CUL1: variants seen among roughly 807,000 people sequenced by gnomAD.
The protein encoded by CUL1 is cullin 1.
CUL1 carries 24 observed loss-of-function variants against 118.0 expected under a neutral mutation model. The ratio of observed to expected loss-of-function variants is 0.20; its 90% confidence interval spans 0.15 to 0.29. The LOEUF is 0.29. Ranked by LOEUF, CUL1 falls within the 10% of genes least tolerant of loss-of-function variation. CUL1 has a pLI of 1.00. For synonymous variants in CUL1, 332 were observed against 340.4 expected, an observed-to-expected ratio of 0.98 and a Z score of 0.27; for missense variants, 361 against 933.8, an observed-to-expected ratio of 0.39 and a Z score of 7.99.
rs535567339 is a variant in CUL1, at chr7:148,757,062, T to G, written c.395T>G (p.Val132Gly). ...GAAGATTATCGATTTTCAAGCAAAG[T>G]GCTGAATGGAATTTGTGCCTACCTC... is the stretch of plus-strand genomic sequence containing the variant. The part of the protein sequence containing the change: ...QWEDYRFSSK[V>G]LNGICAYLNR... The change falls in exon 4 of 22, where the codon GTG (valine) becomes GGG (glycine). Residue 132 changes from valine to glycine, a missense_variant. Around this residue, in one of 7 missense-constraint regions of CUL1, gnomAD observed 169 missense variants for 429.7 expected, o/e 0.39. Coordinates refer to ENST00000325222, the MANE Select transcript of CUL1 (RefSeq NM_003592.3). 6.2e-7 allele frequency: 1 copy of G among 1,608,874 alleles called. No individual in the cohort carries two copies. The highest frequency in any genetic ancestry group is 8.5e-7 in the Non-Finnish European group (1 of 1,177,878).
At chr7:148,736,391 T>C (rs1331060058) in intron 2 of CUL1, among the ~76,000 whole-genome samples, 1 of 152,190 alleles carries the variant, frequency 6.6e-6, no homozygotes, top group Non-Finnish European at 1.5e-5. Flanking sequence ...CTCCAACTCC[T>C]GGACTCAAGT....
chr7:148,750,739 G>A (rs1799463465), intron 2 of CUL1, among the ~76,000 whole-genome samples: 1 of 152,152 alleles, frequency 6.6e-6, no homozygotes, highest in African/African-American at 2.4e-5. Context: ...CTCTCTTGGA[G>A]GTGAATGTAG....
In CUL1 at chr7:148,790,324, T is replaced by C. The variant is rs1309633503; in HGVS notation, c.1689T>C (p.Tyr563=). The C allele has an allele frequency of 3.1e-6, 5 of 1,614,198 alleles. No individual in the cohort carries two copies. The highest frequency in any genetic ancestry group is 8.5e-7 in the Non-Finnish European group (1 of 1,180,024). Residue 563 remains tyrosine (Y), a synonymous_variant, in exon 16 of 22, where the codon TAT becomes TAC. Coordinates refer to ENST00000325222, the MANE Select transcript of CUL1 (RefSeq NM_003592.3). ...CTTTTATCTAGTTGGAACGTAGTTA[T>C]CAGCGATTCACAGCTTTCTACGCCA... is the stretch of plus-strand genomic sequence containing the variant. ...FALPSELERS[Y]QRFTAFYASR... is the part of the protein sequence containing the mutation.
chr7:148,707,557 T>C (rs1797924703), intron 1 of CUL1, among the ~76,000 whole-genome samples: 1 of 152,110 alleles, frequency 6.6e-6, no homozygotes, highest in Admixed American at 6.5e-5. Context: ...GGTAAACGTG[T>C]GCCATGGTGG....
intron 1 of CUL1, among the ~76,000 whole-genome samples, chr7:148,724,977 T>C (rs557494828): frequency 7.9e-5 from 12 of 152,322 alleles, no homozygotes; most frequent in Middle Eastern, 3.4e-3. Context: ...CTCTGACTTA[T>C]GAAATCTGCT....
intron 1 of CUL1, among the ~76,000 whole-genome samples, chr7:148,725,209 A>ACGCGCGCG (rs1459869213): frequency 2.1e-5 from 3 of 140,362 alleles, no homozygotes; most frequent in South Asian, 2.2e-4. Flanking sequence ...ACACACACAC[A>ACGCGCGCG]CACGCGCGCG....
At chr7:148,711,335 G>T (rs1798042891) in intron 1 of CUL1, among the ~76,000 whole-genome samples, 1 of 152,160 alleles carries the variant, frequency 6.6e-6, no homozygotes, top group South Asian at 2.1e-4. Flanking sequence ...TGCAGAGAAT[G>T]GGGGTGCAAA....
In CUL1 at chr7:148,730,167, T is replaced by A. The variant is rs760526786; in HGVS notation, c.45T>A (p.Ile15=). 6.2e-7 allele frequency: 1 copy of A among 1,614,140 alleles called. No individual in the cohort carries two copies. The highest frequency in any genetic ancestry group is 2.2e-5 in the East Asian group (1 of 44,884). The part of the protein sequence containing the change: ...RSQNPHGLKQ[I]GLDQIWDDLR... The stretch of plus-strand genomic sequence containing the variant: ...AGAACCCCCACGGCCTGAAGCAGAT[T>A]GGCCTGGACCAGATCTGGGACGACC... Residue 15 remains isoleucine (I), a synonymous_variant, in exon 2 of 22, where the codon ATT becomes ATA. Coordinates refer to ENST00000325222, the MANE Select transcript of CUL1 (RefSeq NM_003592.3).
Position 148,766,652 on chromosome 7 carries a change from T to G in CUL1, c.881T>G (p.Val294Gly). The G allele has an allele frequency of 1.2e-6, 2 of 1,613,684 alleles. No individual in the cohort carries two copies. The highest frequency in any genetic ancestry group is 2.2e-5 in the South Asian group (2 of 91,018). Residue 294 changes from valine to glycine, a missense_variant, in exon 8 of 22, where the codon GTC becomes GGC. Around this residue, in one of 7 missense-constraint regions of CUL1, gnomAD observed 169 missense variants for 429.7 expected, o/e 0.39. Coordinates refer to ENST00000325222, the MANE Select transcript of CUL1 (RefSeq NM_003592.3). Reference sequence around the variant, plus strand: ...GAATTAGCAAGGAAATGTGAACAAGTCCTCATTGAAAAACACTTGGAAATT... The same window carrying G: ...GAATTAGCAAGGAAATGTGAACAAGGCCTCATTGAAAAACACTTGGAAATT... ...QDELARKCEQVLIEKHLEIFH... is the reference protein window; with the variant it reads ...QDELARKCEQGLIEKHLEIFH...
intron 1 of CUL1, among the ~76,000 whole-genome samples, chr7:148,720,342 G>A (rs111606704): frequency 1.3e-5 from 2 of 152,208 alleles, no homozygotes; most frequent in African/African-American, 4.8e-5. Flanking sequence ...CCTAGACTCC[G>A]GCAGTTGGGA....
intron 1 of CUL1, among the ~76,000 whole-genome samples, chr7:148,716,456 G>T (rs1798217653): frequency 6.6e-6 from 1 of 152,170 alleles, no homozygotes; most frequent in Non-Finnish European, 1.5e-5. Flanking sequence ...TCCATCAGAG[G>T]TTAGTGAAAA....
intron 1 of CUL1, among the ~76,000 whole-genome samples, chr7:148,726,359 T>C: frequency 6.6e-6 from 1 of 152,098 alleles, no homozygotes; most frequent in East Asian, 1.9e-4. Context: ...TGTTGCACAG[T>C]TTATCTTGGT....
intron 1 of CUL1, among the ~76,000 whole-genome samples, chr7:148,728,585 G>A (rs1031987974): frequency 3.9e-5 from 6 of 152,180 alleles, no homozygotes; most frequent in African/African-American, 4.8e-5. Flanking sequence ...TGGTTGCTGA[G>A]TTGTTAGTTT....
intron 1 of CUL1, 35 bp downstream of exon 1, chr7:148,699,064 T>TGGCGGCGGCGGC (rs924893127): frequency 1.3e-5 from 2 of 152,480 alleles, no homozygotes; most frequent in Non-Finnish European, 2.9e-5. Flanking sequence ...CGAGAGGAGG[T>TGGCGGCGGCGGC]GGCGGCGGCG....
At chr7:148,761,826 C>G (rs1463555797) in intron 7 of CUL1, among the ~76,000 whole-genome samples, 2 of 152,218 alleles carry the variant, frequency 1.3e-5, no homozygotes, top group African/African-American at 4.8e-5. Context: ...GGTCCCCAAC[C>G]CTTTTGGCAT....
At chr7:148,703,410 A>T (rs973611418) in intron 1 of CUL1, among the ~76,000 whole-genome samples, 5 of 152,236 alleles carry the variant, frequency 3.3e-5, no homozygotes, top group Non-Finnish European at 7.3e-5. Context: ...CAAATATAAC[A>T]AGCTGCAATT....
At chr7:148,703,463 G>A (rs1182998623) in intron 1 of CUL1, among the ~76,000 whole-genome samples, 1 of 152,160 alleles carries the variant, frequency 6.6e-6, no homozygotes, top group Non-Finnish European at 1.5e-5. Context: ...AAAATAGATT[G>A]TATGAAATGG....
chr7:148,724,436 CGT>C (rs1426741184), intron 1 of CUL1, among the ~76,000 whole-genome samples: 5 of 152,074 alleles, frequency 3.3e-5, no homozygotes, highest in Admixed American at 3.3e-4. Flanking sequence ...AACTGTGGCG[CGT>C]GTGTGTGTCT....
At chr7:148,754,721 C>T (rs528132595) in intron 3 of CUL1, among the ~76,000 whole-genome samples, 2 of 151,792 alleles carry the variant, frequency 1.3e-5, no homozygotes, top group Non-Finnish European at 2.9e-5. Flanking sequence ...TTGCTCTTTA[C>T]ACATGGTTAT....
Sources: gnomAD v4.1 joint callset for allele counts (sites outside exome capture counted in the v4.1 genomes callset) on GRCh38, gnomAD v4.1.1 for gene constraint, gnomAD v4.1.1 regional missense constraint, MANE v1.5 for transcripts, NCBI Gene and HGNC (gene_info 2026-07-23, HGNC 2026-07-21) for gene names.